The following CSMD1 variants were observed in gnomAD, a reference collection of about 807,000 sequenced individuals.
The protein encoded by CSMD1 is CUB and Sushi multiple domains 1, also known as CUB and sushi domain-containing protein 1.
A neutral mutation model predicts 417.5 loss-of-function variants in CSMD1; 213 were observed. The observed-to-expected ratio is 0.51, with a 90% confidence interval of 0.46 to 0.57. The LOEUF (loss-of-function observed/expected upper bound fraction) is 0.57, where lower values mean the gene tolerates loss of function less well. CSMD1 is among the 20% of genes least tolerant of loss of function. The probability of loss-of-function intolerance (pLI) is 0.00; values close to 1 mark genes in which losing one functional copy is unlikely to be tolerated. For synonymous variants in CSMD1, 2,862 were observed against 1,736.8 expected, an observed-to-expected ratio of 1.65 and a Z score of -16.11; for missense variants, 6,923 against 4,529.7, an observed-to-expected ratio of 1.53 and a Z score of -15.17.
chr8:4,261,435 A>G (rs1350245606), intron 3 of CSMD1, among the ~76,000 whole-genome samples: 4 of 152,204 alleles, frequency 2.6e-5, no homozygotes, highest in African/African-American at 7.2e-5. Flanking sequence ...AATAATTGTC[A>G]AAGTTTACAA....
chr8:3,737,846 A>G (rs555487580), intron 6 of CSMD1, among the ~76,000 whole-genome samples: 3 of 152,340 alleles, frequency 2.0e-5, no homozygotes, highest in African/African-American at 7.2e-5. Context: ...AACATAACCC[A>G]TTTAATGTTA....
rs1381937700 is a variant in CSMD1 at position 3,152,277 on chromosome 8, A to G, written c.5915-764T>C. ...AAAGAGACACAACTGATTTTACAACAAACATGCCCAGTGATACAAGACGAA... is the reference window on the plus strand; with the variant it reads ...AAAGAGACACAACTGATTTTACAACGAACATGCCCAGTGATACAAGACGAA... On this transcript the variant is annotated intron_variant, in intron 39 of 69. Transcript: ENST00000635120. Among the ~76,000 whole-genome samples the G allele has an allele frequency of 2.0e-5, 3 of 152,244 alleles. No homozygotes were observed. In the East Asian group the frequency reaches 5.8e-4, roughly 29 times the overall value.
chr8:4,671,322 TTGTTTTTTAA>T (rs1805310598), intron 1 of CSMD1, among the ~76,000 whole-genome samples: 1 of 152,190 alleles, frequency 6.6e-6, no homozygotes, highest in Non-Finnish European at 1.5e-5. Context: ...TTCTTTATTC[TTGTTTTTTAA>T]ACCTAATTGA....
At chr8:4,072,708 G>C (rs987245906) in intron 3 of CSMD1, among the ~76,000 whole-genome samples, 3 of 152,128 alleles carry the variant, frequency 2.0e-5, no homozygotes, top group Non-Finnish European at 2.9e-5. Context: ...TGTGAATTGG[G>C]AATACAGAAA....
chr8:3,983,849 A>G (rs1054100369), intron 5 of CSMD1, among the ~76,000 whole-genome samples: 4 of 152,178 alleles, frequency 2.6e-5, no homozygotes, highest in East Asian at 1.9e-4. Flanking sequence ...CCGGCTGTCA[A>G]TTGCAACTCT....
At chr8:3,311,785 AATC>A (rs1805371424) in intron 23 of CSMD1, among the ~76,000 whole-genome samples, 1 of 152,134 alleles carries the variant, frequency 6.6e-6, no homozygotes, top group South Asian at 2.1e-4. Flanking sequence ...AGCGTTTATC[AATC>A]ATAAGAGATT....
chr8:4,416,268 C>G (rs562288120), intron 3 of CSMD1, among the ~76,000 whole-genome samples: 1 of 152,088 alleles, frequency 6.6e-6, no homozygotes, highest in Non-Finnish European at 1.5e-5. Flanking sequence ...CCGAAAGCTA[C>G]TGGATCATAA....
chr8:3,058,186 T>C (rs1427263905), intron 49 of CSMD1, among the ~76,000 whole-genome samples: 2 of 152,250 alleles, frequency 1.3e-5, no homozygotes, highest in Non-Finnish European at 2.9e-5. Flanking sequence ...TTAGCAAATA[T>C]TTATTTAAAT....
At chr8:3,082,886 G>A (rs1814209064) in intron 49 of CSMD1, among the ~76,000 whole-genome samples, 1 of 152,156 alleles carries the variant, frequency 6.6e-6, no homozygotes, top group African/African-American at 2.4e-5. Flanking sequence ...TGTGCTATGT[G>A]GAGATTCTCA....
chr8:3,557,746 C>T (rs148538814), intron 10 of CSMD1, among the ~76,000 whole-genome samples: 3 of 152,250 alleles, frequency 2.0e-5, no homozygotes, highest in South Asian at 2.1e-4. Flanking sequence ...TCCCCTTAGT[C>T]CCCTAGTAGG....
intron 6 of CSMD1, among the ~76,000 whole-genome samples, chr8:3,752,750 G>T (rs1329614188): frequency 1.3e-5 from 2 of 149,136 alleles, no homozygotes; most frequent in Non-Finnish European, 3.0e-5. Flanking sequence ...GAGGCAGGAA[G>T]TTCTGCGTAC....
At chr8:3,501,093 C>A (rs148174242) in intron 10 of CSMD1, among the ~76,000 whole-genome samples, 1 of 152,106 alleles carries the variant, frequency 6.6e-6, no homozygotes, top group East Asian at 1.9e-4. Flanking sequence ...ATAAAATATA[C>A]TATATAGTTT....
At chr8:3,723,148 T>A (rs959660928) in intron 6 of CSMD1, among the ~76,000 whole-genome samples, 1 of 151,972 alleles carries the variant, frequency 6.6e-6, no homozygotes, top group Non-Finnish European at 1.5e-5. Flanking sequence ...AGGACTGAGG[T>A]TCCCATCTTC....
chr8:4,844,086 T>A (rs2116794974), intron 1 of CSMD1, among the ~76,000 whole-genome samples: 1 of 152,234 alleles, frequency 6.6e-6, no homozygotes, highest in African/African-American at 2.4e-5. Flanking sequence ...AGGGGAAAAA[T>A]AATGCATGAA....
At chr8:3,275,983 C>A (rs1197234506) in intron 26 of CSMD1, among the ~76,000 whole-genome samples, 1 of 152,178 alleles carries the variant, frequency 6.6e-6, no homozygotes, top group African/African-American at 2.4e-5. Flanking sequence ...GAACTGTGTT[C>A]CTTTGGAGGA....
At chr8:4,906,315 C>T (rs1046719683) in intron 1 of CSMD1, among the ~76,000 whole-genome samples, 2 of 152,120 alleles carry the variant, frequency 1.3e-5, no homozygotes, top group African/African-American at 4.8e-5. Context: ...TCTTTATATG[C>T]TTTATTAAGT....
chr8:4,279,124 C>T (rs1295165836), intron 3 of CSMD1, among the ~76,000 whole-genome samples: 1 of 152,164 alleles, frequency 6.6e-6, no homozygotes, highest in Non-Finnish European at 1.5e-5. Flanking sequence ...TAGCAAACTT[C>T]TGAGCATCTC....
At position 3,606,622 on chromosome 8, in the gene CSMD1, G is replaced by A. The variant is rs927347100; in HGVS notation, c.1097+10088C>T. On this transcript the variant is annotated intron_variant, in intron 8 of 69. Transcript: ENST00000635120. ...CACTCCTGTAGACCTTAGAAACACT[G>A]TATCCTTGGGCCACTATAAATTTAT... 3.3e-5 allele frequency among the ~76,000 whole-genome samples: 5 copies of A among 151,828 alleles called. No homozygotes were observed. In the East Asian group the frequency reaches 9.7e-4, roughly 29 times the overall value.
At chr8:3,414,145 GA>G (rs200744652) in intron 12 of CSMD1, among the ~76,000 whole-genome samples, 9,762 of 46,736 alleles carry the variant, frequency 0.21, 535 homozygotes, top group East Asian at 0.29. Context: ...TTAAAGAAAA[GA>G]AAAAAAAAAA....
Sources: allele counts gnomAD v4.1 joint callset (sites outside exome capture counted in the v4.1 genomes callset), GRCh38; gene constraint gnomAD v4.1.1; transcripts MANE v1.5; gene names NCBI Gene and HGNC (gene_info 2026-07-23, HGNC 2026-07-21).